The following GABBR2 variants were observed in gnomAD, a reference collection of about 807,000 sequenced individuals.
GABBR2 encodes gamma-aminobutyric acid type B receptor subunit 2.
In GABBR2, 23 loss-of-function variants were observed where a neutral mutation model predicts 105.6. That is an observed-to-expected ratio of 0.22 (90% CI 0.16 to 0.31). The LOEUF is 0.31. Ranked by LOEUF, GABBR2 falls within the 10% of genes least tolerant of loss-of-function variation. GABBR2 has a pLI of 1.00. For synonymous variants in GABBR2, 478 were observed against 499.7 expected (o/e 0.96, Z 0.58); for missense variants, 734 against 1,245.5 (o/e 0.59, Z 6.18).
intron 13 of GABBR2, among the ~76,000 whole-genome samples, chr9:98,345,768 G>A (rs1008821680): frequency 6.6e-5 from 10 of 152,156 alleles, no homozygotes; most frequent in African/African-American, 2.4e-4. Flanking sequence ...CAGGATATTA[G>A]GCTAATATAC....
intron 1 of GABBR2, among the ~76,000 whole-genome samples, chr9:98,664,273 T>C (rs1830305646): frequency 6.6e-6 from 1 of 152,168 alleles, no homozygotes; most frequent in South Asian, 2.1e-4. Context: ...GACCTAAGAA[T>C]AAACGGCTAG....
At chr9:98,482,347 A>T (rs956503852) in intron 4 of GABBR2, among the ~76,000 whole-genome samples, 6 of 152,226 alleles carry the variant, frequency 3.9e-5, no homozygotes, top group Non-Finnish European at 1.5e-5. Flanking sequence ...GGGGAAAAAA[A>T]ACACTGGCTC....
In GABBR2 at chr9:98,541,865, G is replaced by A. The variant is rs750566465; in HGVS notation, c.630+8C>T. The A allele has an allele frequency of 1.2e-5, 19 of 1,613,474 alleles. No homozygotes were observed. The highest frequency in any genetic ancestry group is 1.7e-5 in the Admixed American group (1 of 59,982). On this transcript the variant is annotated splice_region_variant and intron_variant, in intron 3 of 18. Coordinates refer to ENST00000259455, the MANE Select transcript of GABBR2 (RefSeq NM_005458.8). Reference sequence around the variant, plus strand: ...AAGGCAGGCCGTGTCCACACAAGCCGAGCGTACCTCAGAGAACCTCTGAAC... The same window carrying A: ...AAGGCAGGCCGTGTCCACACAAGCCAAGCGTACCTCAGAGAACCTCTGAAC...
chr9:98,463,632 G>GCTCTCGCTCTCCGTCTCC (rs1447334417), intron 6 of GABBR2, among the ~76,000 whole-genome samples: 1 of 151,226 alleles, frequency 6.6e-6, no homozygotes, highest in Admixed American at 6.6e-5. Flanking sequence ...TCTCCGTCTC[G>GCTCTCGCTCTCCGTCTCC]CTCTCGCTCT....
rs529182866 is a variant in GABBR2, at chr9:98,589,453, A to C, written c.322-11381T>G. Among the ~76,000 whole-genome samples the C allele has an allele frequency of 2.0e-5, 3 of 152,322 alleles. No individual in the cohort carries two copies. The East Asian group carries it at 5.8e-4, about 29-fold the overall frequency. ...TGGGCTATAGAGGTGTAGTCACTAC[A>C]GAGAGGCCGCATCATCTAACAAACA... On this transcript the variant is annotated intron_variant, in intron 1 of 18. Transcript: ENST00000259455.
intron 13 of GABBR2, among the ~76,000 whole-genome samples, chr9:98,324,160 C>T (rs1830876754): frequency 6.6e-6 from 1 of 152,158 alleles, no homozygotes; most frequent in South Asian, 2.1e-4. Context: ...TTTTCATGCT[C>T]CTCCCTGGGA....
At chr9:98,511,145 C>T (rs868648022) in intron 3 of GABBR2, among the ~76,000 whole-genome samples, 29 of 152,222 alleles carry the variant, frequency 1.9e-4, no homozygotes, top group African/African-American at 7.0e-4. Flanking sequence ...CAACCTGCAC[C>T]TCAATGACTA....
chr9:98,297,927 G>C (rs1265320105), intron 17 of GABBR2, among the ~76,000 whole-genome samples: 2 of 151,296 alleles, frequency 1.3e-5, no homozygotes, highest in South Asian at 4.2e-4. Flanking sequence ...AGGAGGCTGA[G>C]GTAGGAGAAT....
At chr9:98,683,951 T>G (rs1182799835) in intron 1 of GABBR2, among the ~76,000 whole-genome samples, 2 of 135,310 alleles carry the variant, frequency 1.5e-5, no homozygotes, top group African/African-American at 5.6e-5. Flanking sequence ...GAGCTTGCAG[T>G]GAGCCGAGAT....
At chr9:98,500,746 T>C (rs1827381787) in intron 3 of GABBR2, among the ~76,000 whole-genome samples, 1 of 152,154 alleles carries the variant, frequency 6.6e-6, no homozygotes, top group African/African-American at 2.4e-5. Context: ...CAAGAACTGG[T>C]GTGGCCCATC....
At chr9:98,487,910 GA>G (rs1827093946) in intron 4 of GABBR2, among the ~76,000 whole-genome samples, 1 of 152,164 alleles carries the variant, frequency 6.6e-6, no homozygotes, top group South Asian at 2.1e-4. Flanking sequence ...TTAAAATAGG[GA>G]GATTTTCTTG....
chr9:98,438,997 AAGG>A (rs1317734242), intron 7 of GABBR2, among the ~76,000 whole-genome samples: 1 of 152,164 alleles, frequency 6.6e-6, no homozygotes, highest in African/African-American at 2.4e-5. Flanking sequence ...ATAAAGCAAT[AAGG>A]AGGTCACTGT....
At chr9:98,660,622 C>T (rs570071710) in intron 1 of GABBR2, among the ~76,000 whole-genome samples, 4 of 152,316 alleles carry the variant, frequency 2.6e-5, no homozygotes, top group Admixed American at 2.0e-4. Context: ...ACTATTTTAT[C>T]GTTCTGGAAA....
intron 1 of GABBR2, among the ~76,000 whole-genome samples, chr9:98,601,586 A>G (rs1345958697): frequency 6.6e-6 from 1 of 152,204 alleles, no homozygotes; most frequent in Non-Finnish European, 1.5e-5. Context: ...TATCACCACA[A>G]TTTAATTTTT....
At chr9:98,491,410 G>A (rs1376070028) in intron 4 of GABBR2, among the ~76,000 whole-genome samples, 1 of 152,108 alleles carries the variant, frequency 6.6e-6, no homozygotes, top group African/African-American at 2.4e-5. Context: ...TAATGAGTTT[G>A]GCCTATTTGA....
intron 1 of GABBR2, among the ~76,000 whole-genome samples, chr9:98,602,123 C>T (rs925786726): frequency 6.6e-6 from 1 of 151,968 alleles, no homozygotes; most frequent in African/African-American, 2.4e-5. Context: ...TCCTCAGCCT[C>T]CTGAGTAGCT....
intron 2 of GABBR2, among the ~76,000 whole-genome samples, chr9:98,559,837 T>C (rs752039982): frequency 6.6e-6 from 1 of 150,716 alleles, no homozygotes; most frequent in Non-Finnish European, 1.5e-5. Flanking sequence ...GCTGTGCATC[T>C]GTGAAAAAAA....
chr9:98,504,788 C>T (rs1827471665), intron 3 of GABBR2, among the ~76,000 whole-genome samples: 1 of 152,156 alleles, frequency 6.6e-6, no homozygotes, highest in Non-Finnish European at 1.5e-5. Flanking sequence ...AAATGTGGCT[C>T]CTTAGAGGCA....
At chr9:98,366,030 C>T (rs918252091) in intron 12 of GABBR2, among the ~76,000 whole-genome samples, 19 of 152,156 alleles carry the variant, frequency 1.2e-4, no homozygotes, top group African/African-American at 4.6e-4. Context: ...AGCAAAGGCA[C>T]CCAGTAATGA....
Sources: allele counts gnomAD v4.1 joint callset (sites outside exome capture counted in the v4.1 genomes callset), GRCh38; gene constraint gnomAD v4.1.1; transcripts MANE v1.5; gene names NCBI Gene and HGNC (gene_info 2026-07-23, HGNC 2026-07-21).